The following DNMBP variants were observed in gnomAD, a reference collection of about 807,000 sequenced individuals.
The protein encoded by DNMBP is dynamin binding protein.
DNMBP carries 87 observed loss-of-function variants against 150.0 expected under a neutral mutation model. That is an observed-to-expected ratio of 0.58 (90% CI 0.49 to 0.69). The LOEUF is 0.69. Among genes scored for constraint, DNMBP ranks in the 30% least tolerant of loss-of-function variants. The pLI, the probability that DNMBP is intolerant of heterozygous loss-of-function variation, is 0.00. For synonymous variants in DNMBP, 711 were observed against 750.4 expected, an observed-to-expected ratio of 0.95 and a Z score of 0.86; for missense variants, 1,774 against 1,949.0, an observed-to-expected ratio of 0.91 and a Z score of 1.69.
At chr10:99,955,158 T>C in intron 4 of DNMBP, 56 bp downstream of exon 4, 1 of 1,515,934 alleles carries the variant, frequency 6.6e-7, no homozygotes, top group African/African-American at 1.4e-5. Flanking sequence ...GGGTAGGCTG[T>C]TTCTGGGACT....
At chr10:99,996,375 C>T (rs1029595394) in intron 1 of DNMBP, among the ~76,000 whole-genome samples, 3 of 152,112 alleles carry the variant, frequency 2.0e-5, no homozygotes, top group Non-Finnish European at 4.4e-5. Flanking sequence ...AAAAAATTGG[C>T]CAGGCATGGT....
At position 99,956,702 on chromosome 10, in the gene DNMBP, C is replaced by G; in HGVS notation, c.772G>C (p.Glu258Gln). ...GVALYRFQALEPNELDFEVGD... is the reference protein window; with the variant it reads ...GVALYRFQALQPNELDFEVGD... Reference sequence around the variant, plus strand: ...ACCTCGAAATCCAGCTCATTTGGCTCCAGGGCTTGGAATCTGTACAGGGCG... The same window carrying G: ...ACCTCGAAATCCAGCTCATTTGGCTGCAGGGCTTGGAATCTGTACAGGGCG... Residue 258 changes from glutamate (E) to glutamine (Q), a missense_variant, in exon 4 of 17, where the codon GAG (glutamate) becomes CAG (glutamine). Glu to Gln is a conservative substitution (Grantham distance 29). Around this residue, in one of 2 missense-constraint regions of DNMBP, gnomAD observed 344 missense variants for 456.6 expected, o/e 0.75. Coordinates refer to ENST00000324109, the MANE Select transcript of DNMBP (RefSeq NM_015221.4). 5.0e-6 allele frequency: 8 copies of G among 1,613,748 alleles called. No individual in the cohort carries two copies. Among genetic ancestry groups the G allele is most frequent in the Non-Finnish European group, 6.8e-6 (8 of 1,179,736 alleles).
chr10:99,946,616 G>C (rs1756362779), intron 4 of DNMBP, among the ~76,000 whole-genome samples: 1 of 152,186 alleles, frequency 6.6e-6, no homozygotes, highest in Non-Finnish European at 1.5e-5. Flanking sequence ...ACTCAAGATG[G>C]ATTAAAGACT....
In DNMBP at chr10:99,885,883, G is replaced by A. The variant is rs376448338; in HGVS notation, c.3619-17C>T. 2 of 1,590,590 alleles carry A rather than the reference G, an allele frequency of 1.3e-6. No individual in the cohort carries two copies. Among genetic ancestry groups the A allele is most frequent in the African/African-American group, 2.7e-5 (2 of 73,776 alleles). ...TTTGAGTAACTGGGGTCCATGGGAA[G>A]AGCAGAGATAGAGAAAAGAAGAAAA... On this transcript the variant is annotated splice_polypyrimidine_tract_variant and intron_variant, in intron 13 of 16. Transcript: ENST00000324109.
chr10:99,902,116 T>C (rs899408831), intron 6 of DNMBP, among the ~76,000 whole-genome samples: 18 of 151,962 alleles, frequency 1.2e-4, no homozygotes, highest in African/African-American at 3.1e-4. Flanking sequence ...TCACAAACTC[T>C]TGGGCTCAAG....
At chr10:99,911,861 G>T (rs2039904440) in intron 4 of DNMBP, among the ~76,000 whole-genome samples, 1 of 152,082 alleles carries the variant, frequency 6.6e-6, no homozygotes, top group Non-Finnish European at 1.5e-5. Context: ...TTTCTAATAG[G>T]CTTGTTTTAA....
At chr10:99,881,084 C>T (rs1164718865) in intron 15 of DNMBP, among the ~76,000 whole-genome samples, 9 of 152,090 alleles carry the variant, frequency 5.9e-5, no homozygotes, top group South Asian at 2.1e-4. Flanking sequence ...AAATATTAGC[C>T]GGATGTGGTG....
intron 1 of DNMBP, among the ~76,000 whole-genome samples, chr10:99,978,137 GCAC>G (rs1232900046): frequency 7.2e-5 from 11 of 152,154 alleles, no homozygotes; most frequent in African/African-American, 2.4e-4. Context: ...TCCAATCCCA[GCAC>G]CACCACTGAG....
In DNMBP at chr10:99,877,258, G is replaced by A. The variant is rs2039290644; in HGVS notation, c.4627C>T (p.Leu1543Phe). The A allele has an allele frequency of 6.2e-7, 1 of 1,614,024 alleles. No homozygotes were observed. The highest frequency in any genetic ancestry group is 1.1e-5 in the South Asian group (1 of 91,042). The change falls in exon 17 of 17, where the codon CTC (leucine) becomes TTC (phenylalanine). Residue 1543 changes from leucine to phenylalanine, a missense_variant. By Grantham distance (22) the Leu-to-Phe change is conservative. Around this residue, in one of 2 missense-constraint regions of DNMBP, gnomAD observed 1,430 missense variants for 1,492.5 expected, o/e 0.96. Coordinates refer to ENST00000324109, the MANE Select transcript of DNMBP (RefSeq NM_015221.4). ...SVSANQKLKI[L>F]EFKDVTGNTE... ...TTTCCTGTAACATCTTTAAACTCGAGGATCTTGAGTTTCTGATTGGCTGAC... is the reference window on the plus strand; with the variant it reads ...TTTCCTGTAACATCTTTAAACTCGAAGATCTTGAGTTTCTGATTGGCTGAC...
Position 99,930,413 on chromosome 10 carries a change from A to G in DNMBP, c.2261-21267T>C, listed in dbSNP as rs1390774207. ...CATCTGGGCTTCTCGTAGGTGAATTATCCTTCGTCCCAGGGCTGAGACTCT... is the reference window on the plus strand; with the variant it reads ...CATCTGGGCTTCTCGTAGGTGAATTGTCCTTCGTCCCAGGGCTGAGACTCT... On this transcript the variant is annotated intron_variant, in intron 4 of 16. Coordinates refer to ENST00000324109, the MANE Select transcript of DNMBP (RefSeq NM_015221.4). 3 of 702,970 alleles carry G rather than the reference A, an allele frequency of 4.3e-6. No homozygotes were observed. The East Asian group carries it at 8.0e-5, about 19-fold the overall frequency. The allele number at this position is 702,970 out of a possible 1,614,324, so 43.5% of individuals were successfully genotyped here. A position where few individuals can be genotyped will look rare whatever the true frequency, so the allele number is the denominator to read the frequency against.
At chr10:99,895,163 G>C in intron 10 of DNMBP, 113 bp from the exon 11 acceptor site, 1 of 585,510 alleles carries the variant, frequency 1.7e-6, no homozygotes, top group Non-Finnish European at 2.8e-6. Flanking sequence ...TTTTGCTCTT[G>C]TCGTCCAGGT....
intron 4 of DNMBP, among the ~76,000 whole-genome samples, chr10:99,935,984 T>A (rs1430115609): frequency 6.6e-6 from 1 of 152,194 alleles, no homozygotes; most frequent in Non-Finnish European, 1.5e-5. Flanking sequence ...GCTACCCAGA[T>A]CTTATTTTAC....
intron 2 of DNMBP, among the ~76,000 whole-genome samples, chr10:99,971,716 C>T (rs2040678910): frequency 6.6e-6 from 1 of 150,962 alleles, no homozygotes; most frequent in South Asian, 2.1e-4. Context: ...GACAGGGTCT[C>T]ACCATCTCAC....
In DNMBP at chr10:99,956,906, G is replaced by A. The variant is rs2040504552; in HGVS notation, c.568C>T (p.Arg190Ter). The A allele has an allele frequency of 6.2e-6, 10 of 1,614,094 alleles. No homozygotes were observed. Among genetic ancestry groups the A allele is most frequent in the Non-Finnish European group, 8.5e-6 (10 of 1,180,036 alleles). The change falls in exon 4 of 17, where the codon CGA (arginine) becomes TGA (stop). Residue 190 changes from arginine (R) to a stop codon, truncating the protein, a stop_gained. Coordinates refer to ENST00000324109, the MANE Select transcript of DNMBP (RefSeq NM_015221.4). LOFTEE classifies it high-confidence loss of function. ...AAACCTTCTGGAAAAATGCCTCTTC[G>A]GCCCTCTAACTCCCCTTCAAACCAG... Reference protein sequence around the residue: ...PGWFEGELEGRRGIFPEGFVE... With the variant: ...PGWFEGELEG
chr10:99,977,936 A>G (rs1454161918), intron 1 of DNMBP, among the ~76,000 whole-genome samples: 1 of 152,362 alleles, frequency 6.6e-6, no homozygotes, highest in East Asian at 1.9e-4. Context: ...ACAGTGCCAT[A>G]GCAATGTCAT....
At chr10:99,937,928 T>C (rs12355245) in intron 4 of DNMBP, among the ~76,000 whole-genome samples, 1,641 of 152,316 alleles carry the variant, frequency 0.011, 12 homozygotes, top group Non-Finnish European at 0.017. Context: ...GGAGACCAAA[T>C]GAGGAAATGA....
chr10:99,992,550 G>A (rs1358824707), intron 1 of DNMBP, among the ~76,000 whole-genome samples: 1 of 140,670 alleles, frequency 7.1e-6, no homozygotes, highest in African/African-American at 2.7e-5. Context: ...TTTTTGAGAC[G>A]GAGTCTGGCT....
rs1408815960 is a variant in DNMBP at position 99,879,853 on chromosome 10, G to T, written c.4506C>A (p.Asp1502Glu). The change falls in exon 16 of 17, where the codon GAC (aspartate) becomes GAA (glutamate). Residue 1502 changes from aspartate to glutamate, a missense_variant. Coordinates refer to ENST00000324109, the MANE Select transcript of DNMBP (RefSeq NM_015221.4). Reference sequence around the variant, plus strand: ...CACTGCCATCTGGCTCTGTACTTCTGTCTTCCGGAGCCTGGGCTGTTCTTG... The same window carrying T: ...CACTGCCATCTGGCTCTGTACTTCTTTCTTCCGGAGCCTGGGCTGTTCTTG... Reference protein sequence around the residue: ...GCARTAQAPEDRSTEPDGSEA... With the variant: ...GCARTAQAPEERSTEPDGSEA... 5.0e-6 allele frequency: 8 copies of T among 1,614,220 alleles called. No homozygotes were observed. In the East Asian group the frequency reaches 1.8e-4, roughly 36 times the overall value.
chr10:99,889,118 A>C (rs2039518684), intron 11 of DNMBP, 165 bp from the exon 12 acceptor site: 1 of 734,052 alleles, frequency 1.4e-6, no homozygotes, highest in Non-Finnish European at 2.1e-6. Flanking sequence ...TTCATAAACT[A>C]TGACTTACGG....
Sources: gnomAD v4.1 joint callset for allele counts (sites outside exome capture counted in the v4.1 genomes callset) on GRCh38, gnomAD v4.1.1 for gene constraint, gnomAD v4.1.1 regional missense constraint, MANE v1.5 for transcripts, NCBI Gene and HGNC (gene_info 2026-07-23, HGNC 2026-07-21) for gene names.